NALCN: variants seen among roughly 807,000 people sequenced by gnomAD.
The protein encoded by NALCN is sodium leak channel NALCN.
Under a neutral mutation model 225.3 loss-of-function variants are expected in NALCN, and 111 were observed. The ratio of observed to expected loss-of-function variants is 0.49; its 90% CI spans 0.42 to 0.58. The LOEUF is 0.58. NALCN is among the 20% of genes least tolerant of loss of function. NALCN has a pLI of 0.00. For synonymous variants in NALCN, 764 were observed against 769.0 expected (o/e 0.99, Z 0.11); for missense variants, 1,378 against 2,202.4 (o/e 0.63, Z 7.49).
At chr13:101,193,295 T>G (rs566097588) in intron 13 of NALCN, among the ~76,000 whole-genome samples, 1 of 152,124 alleles carries the variant, frequency 6.6e-6, no homozygotes, top group Non-Finnish European at 1.5e-5. Context: ...CCTAATTACA[T>G]AGTAATCTAA....
chr13:101,373,625 A>T (rs1179073881), intron 6 of NALCN, among the ~76,000 whole-genome samples: 1 of 152,216 alleles, frequency 6.6e-6, no homozygotes, highest in Non-Finnish European at 1.5e-5. Context: ...TAACTTCCTC[A>T]CTTTGAAAAC....
intron 18 of NALCN, among the ~76,000 whole-genome samples, chr13:101,116,062 G>T (rs1465441116): frequency 2.0e-5 from 3 of 152,022 alleles, no homozygotes; most frequent in African/African-American, 7.2e-5. Context: ...TTACAGTGAG[G>T]CATTTTCCTT....
chr13:101,098,591 C>T (rs113132074), intron 27 of NALCN, among the ~76,000 whole-genome samples: 52 of 152,316 alleles, frequency 3.4e-4, no homozygotes, highest in African/African-American at 1.3e-3. Context: ...GAAAACACAT[C>T]TTCCCAACTG....
intron 13 of NALCN, among the ~76,000 whole-genome samples, chr13:101,208,830 G>A (rs2040419102): frequency 6.6e-6 from 1 of 152,176 alleles, no homozygotes; most frequent in Non-Finnish European, 1.5e-5. Context: ...CTTCTGCCAT[G>A]ACTGGAAGCT....
intron 13 of NALCN, among the ~76,000 whole-genome samples, chr13:101,216,501 T>C (rs2040736515): frequency 6.9e-6 from 1 of 145,902 alleles, no homozygotes; most frequent in Non-Finnish European, 1.5e-5. Context: ...CAGAGGAGTA[T>C]GTTTTATTAT....
chr13:101,209,706 G>A (rs1364240153), intron 13 of NALCN, among the ~76,000 whole-genome samples: 2 of 152,156 alleles, frequency 1.3e-5, no homozygotes, highest in Admixed American at 1.3e-4. Flanking sequence ...CTCTTCAAGA[G>A]AGTGTTGCCT....
chr13:101,143,795 C>T (rs1223325116), intron 16 of NALCN, among the ~76,000 whole-genome samples: 3 of 152,140 alleles, frequency 2.0e-5, no homozygotes, highest in Admixed American at 6.5e-5. Context: ...GGTAATAAAA[C>T]ACTTTTTTTC....
At chr13:101,079,500 C>T (rs890626295) in intron 34 of NALCN, among the ~76,000 whole-genome samples, 2 of 152,170 alleles carry the variant, frequency 1.3e-5, no homozygotes, top group African/African-American at 4.8e-5. Context: ...GGAGCCATCA[C>T]TCCCTTGGGG....
chr13:101,211,997 A>T (rs1471978979), intron 13 of NALCN, among the ~76,000 whole-genome samples: 1 of 152,036 alleles, frequency 6.6e-6, no homozygotes, highest in Middle Eastern at 3.2e-3. Context: ...AAAAAAATTA[A>T]AAAAAATAAA....
At chr13:101,301,895 A>G (rs757807969) in intron 7 of NALCN, among the ~76,000 whole-genome samples, 3 of 152,178 alleles carry the variant, frequency 2.0e-5, no homozygotes, top group Non-Finnish European at 4.4e-5. Context: ...CAGTGATGAT[A>G]CTGCTGATCA....
chr13:101,372,656 A>G (rs2046572809), intron 6 of NALCN, among the ~76,000 whole-genome samples: 1 of 152,200 alleles, frequency 6.6e-6, no homozygotes, highest in Admixed American at 6.5e-5. Context: ...AATACAACAT[A>G]TCAACATTTT....
intron 18 of NALCN, among the ~76,000 whole-genome samples, chr13:101,121,900 A>G (rs1258430666): frequency 1.3e-5 from 2 of 151,858 alleles, no homozygotes; most frequent in Non-Finnish European, 2.9e-5. Context: ...CTCCTTCCCA[A>G]TTTTGTGGAA....
chr13:101,110,530 C>T, intron 20 of NALCN, 89 bp downstream of exon 20: 1 of 1,386,148 alleles, frequency 7.2e-7, no homozygotes, highest in Non-Finnish European at 1.0e-6. Context: ...GGGAATGCAG[C>T]AGAAAGACAC....
chr13:101,147,115 T>C (rs1455909037), intron 15 of NALCN, among the ~76,000 whole-genome samples: 1 of 152,104 alleles, frequency 6.6e-6, no homozygotes, highest in Non-Finnish European at 1.5e-5. Flanking sequence ...TTGGGACATA[T>C]CATTGAAATG....
At chr13:101,147,343 CCT>C (rs1157389056) in intron 15 of NALCN, among the ~76,000 whole-genome samples, 41 of 147,694 alleles carry the variant, frequency 2.8e-4, no homozygotes, top group African/African-American at 9.8e-4. Context: ...CCTTTTTCTT[CCT>C]CTCTCTCTCT....
At chr13:101,074,090 G>A (rs1489023228) in intron 36 of NALCN, among the ~76,000 whole-genome samples, 1 of 151,984 alleles carries the variant, frequency 6.6e-6, no homozygotes, top group Admixed American at 6.6e-5. Context: ...GTTGAAAACT[G>A]CTTTTCATAT....
At chr13:101,318,275 T>C (rs543218351) in intron 7 of NALCN, among the ~76,000 whole-genome samples, 97 of 152,094 alleles carry the variant, frequency 6.4e-4, no homozygotes, top group African/African-American at 2.3e-3. Flanking sequence ...GCGGGGTGCA[T>C]GAGTGAGTGA....
intron 11 of NALCN, among the ~76,000 whole-genome samples, chr13:101,248,432 A>T (rs2041965994): frequency 6.6e-6 from 1 of 152,198 alleles, no homozygotes; most frequent in Non-Finnish European, 1.5e-5. Context: ...TAGCCTCTAC[A>T]TCCTTGGAAT....
intron 43 of NALCN, chr13:101,057,246 C>G (rs638732): frequency 0.43 from 65,206 of 152,226 alleles, 14,441 homozygotes; most frequent in East Asian, 0.59. Flanking sequence ...GCTCTCCCTC[C>G]ATTCCTGAGT....
Sources: gnomAD v4.1 joint callset for allele counts (sites outside exome capture counted in the v4.1 genomes callset) on GRCh38, gnomAD v4.1.1 for gene constraint, MANE v1.5 for transcripts, NCBI Gene and HGNC (gene_info 2026-07-23, HGNC 2026-07-21) for gene names.